Variants in DCC observed in about 807,000 individuals in gnomAD.
The protein encoded by DCC is DCC netrin 1 receptor.
In DCC, 58 loss-of-function variants were observed where a neutral mutation model predicts 172.5. The observed-to-expected ratio is 0.34, with a 90% CI of 0.27 to 0.42. The LOEUF (loss-of-function observed/expected upper bound fraction) is 0.42. Among genes scored for constraint, DCC ranks in the 10% least tolerant of loss-of-function variants. DCC has a pLI of 1.00. For missense variants in DCC, 1,740 were observed against 1,791.0 expected, an observed-to-expected ratio of 0.97 and a Z score of 0.51; for synonymous variants, 709 against 644.5, an observed-to-expected ratio of 1.10 and a Z score of -1.52.
At chr18:52,758,623 A>G (rs898563578) in intron 2 of DCC, among the ~76,000 whole-genome samples, 1 of 151,954 alleles carries the variant, frequency 6.6e-6, no homozygotes, top group African/African-American at 2.4e-5. Context: ...AGAATGAAGC[A>G]TTTTGTGAAA....
chr18:52,367,346 C>G (rs545263456), intron 1 of DCC, among the ~76,000 whole-genome samples: 1 of 152,302 alleles, frequency 6.6e-6, no homozygotes, highest in African/African-American at 2.4e-5. Flanking sequence ...CAGAAAGGGG[C>G]TCCTACAGTG....
chr18:53,234,899 TCTC>T (rs2056179192), intron 12 of DCC, among the ~76,000 whole-genome samples: 1 of 152,228 alleles, frequency 6.6e-6, no homozygotes, highest in Non-Finnish European at 1.5e-5. Flanking sequence ...CCTTTCTTCT[TCTC>T]TTCCTCCTTG....
At chr18:53,254,569 C>T (rs1016218087) in intron 12 of DCC, among the ~76,000 whole-genome samples, 1 of 152,028 alleles carries the variant, frequency 6.6e-6, no homozygotes. Flanking sequence ...TTCCCTATTC[C>T]TAACTGGTTC....
intron 1 of DCC, among the ~76,000 whole-genome samples, chr18:52,530,839 A>G (rs754583638): frequency 2.1e-4 from 32 of 152,220 alleles, no homozygotes; most frequent in Non-Finnish European, 7.3e-5. Flanking sequence ...TGAGAGGCAA[A>G]TGAGAGAAGA....
intron 1 of DCC, among the ~76,000 whole-genome samples, chr18:52,574,089 C>CAG: frequency 6.6e-6 from 1 of 152,154 alleles, no homozygotes. Context: ...AATCATTCAT[C>CAG]CATTTGTTCA....
At chr18:53,065,500 C>T (rs1231875249) in intron 6 of DCC, among the ~76,000 whole-genome samples, 2 of 152,094 alleles carry the variant, frequency 1.3e-5, no homozygotes, top group African/African-American at 4.8e-5. Flanking sequence ...ACCATACTCC[C>T]CTCTCCAAAC....
intron 2 of DCC, among the ~76,000 whole-genome samples, chr18:52,831,752 A>T (rs114418097): frequency 6.6e-6 from 1 of 152,132 alleles, no homozygotes; most frequent in Non-Finnish European, 1.5e-5. Flanking sequence ...TTAAGTGAAG[A>T]TGTTGCCTTG....
chr18:53,043,364 A>G (rs975244238), intron 5 of DCC, among the ~76,000 whole-genome samples: 12 of 151,944 alleles, frequency 7.9e-5, no homozygotes, highest in African/African-American at 2.7e-4. Context: ...CCTAATGTAG[A>G]TGACATGTTG....
At chr18:53,250,117 T>G (rs1368276522) in intron 12 of DCC, among the ~76,000 whole-genome samples, 1 of 151,924 alleles carries the variant, frequency 6.6e-6, no homozygotes, top group Non-Finnish European at 1.5e-5. Context: ...AAGAGAGAAC[T>G]GTTCCGTTTT....
chr18:52,925,504 T>C, intron 5 of DCC, 134 bp downstream of exon 5: 2 of 889,812 alleles, frequency 2.2e-6, no homozygotes, highest in Non-Finnish European at 3.7e-6. Flanking sequence ...TCCACACATG[T>C]CCTTGCTTTG....
chr18:52,858,480 C>G (rs1273770935), intron 2 of DCC, among the ~76,000 whole-genome samples: 1 of 152,082 alleles, frequency 6.6e-6, no homozygotes, highest in Non-Finnish European at 1.5e-5. Flanking sequence ...TCAGGACTGC[C>G]CTAGGATATT....
chr18:53,124,281 G>A (rs1018925621), intron 7 of DCC, among the ~76,000 whole-genome samples: 2 of 152,076 alleles, frequency 1.3e-5, no homozygotes, highest in Non-Finnish European at 2.9e-5. Flanking sequence ...TAAGCACAGT[G>A]TAACAAAACC....
chr18:53,061,695 C>A (rs982723745), intron 5 of DCC, among the ~76,000 whole-genome samples: 3 of 152,056 alleles, frequency 2.0e-5, no homozygotes, highest in Non-Finnish European at 2.9e-5. Flanking sequence ...AGTACATAGG[C>A]AGGGAATCAG....
At chr18:53,163,215 A>G (rs1032648427) in intron 8 of DCC, among the ~76,000 whole-genome samples, 18 of 152,240 alleles carry the variant, frequency 1.2e-4, no homozygotes, top group African/African-American at 3.4e-4. Flanking sequence ...TAAACTGATC[A>G]GAACTGATAT....
chr18:53,212,666 GTTTTTTTTTTTTC>G (rs762773143), intron 11 of DCC, among the ~76,000 whole-genome samples: 2 of 123,120 alleles, frequency 1.6e-5, no homozygotes, highest in African/African-American at 2.9e-5. Context: ...TTCAATTCTT[GTTTTTTTTTTTTC>G]TTTTTTTTTG....
rs141311637 is a variant in DCC at position 52,750,807 on chromosome 18, A to G, written c.92-1247A>G. Among the ~76,000 whole-genome samples, 225 of 150,068 alleles carry G rather than the reference A, an allele frequency of 1.5e-3. 1 individual carries two copies. The highest frequency in any genetic ancestry group is 5.2e-3 in the African/African-American group (214 of 41,408). ...TTTAGATGCCTGCCTTTTAAATGAC[A>G]GAAGATTGGAATGATTTTACAAAGT... On this transcript the variant is annotated intron_variant, in intron 1 of 28. Transcript: ENST00000442544.
chr18:52,877,378 G>A (rs1419875331), intron 2 of DCC, among the ~76,000 whole-genome samples: 1 of 151,648 alleles, frequency 6.6e-6, no homozygotes, highest in Admixed American at 6.6e-5. Flanking sequence ...GTGTGTGTGT[G>A]TGTTTCTAAA....
intron 1 of DCC, among the ~76,000 whole-genome samples, chr18:52,718,411 G>A (rs867824254): frequency 1.3e-5 from 2 of 152,136 alleles, no homozygotes; most frequent in South Asian, 2.1e-4. Flanking sequence ...ACAGGGCAAG[G>A]TTTTGTCTGC....
intron 5 of DCC, among the ~76,000 whole-genome samples, chr18:53,033,336 C>T (rs2042049550): frequency 6.6e-6 from 1 of 152,110 alleles, no homozygotes; most frequent in Non-Finnish European, 1.5e-5. Flanking sequence ...TGAGACTTAA[C>T]GGTGTTTGGT....
Sources: allele counts gnomAD v4.1 joint callset (sites outside exome capture counted in the v4.1 genomes callset), GRCh38; gene constraint gnomAD v4.1.1; transcripts MANE v1.5; gene names NCBI Gene and HGNC (gene_info 2026-07-23, HGNC 2026-07-21).